Variants in SEMA3E observed in about 807,000 individuals in gnomAD.
SEMA3E encodes the protein semaphorin 3E, also known as semaphorin-3E.
In SEMA3E, 49 loss-of-function variants were observed where a neutral mutation model predicts 93.6. The ratio of observed to expected loss-of-function variants is 0.52; its 90% confidence interval spans 0.42 to 0.66. The LOEUF (loss-of-function observed/expected upper bound fraction) is 0.66, where lower values mean the gene tolerates loss of function less well. Among genes scored for constraint, SEMA3E ranks in the 30% least tolerant of loss-of-function variants. SEMA3E has a pLI of 0.00. For missense variants in SEMA3E, 906 were observed against 964.8 expected, an observed-to-expected ratio of 0.94 and a Z score of 0.81; for synonymous variants, 363 against 330.7, an observed-to-expected ratio of 1.10 and a Z score of -1.06.
intron 1 of SEMA3E, among the ~76,000 whole-genome samples, chr7:83,560,687 TAATA>T (rs1467222092): frequency 1.3e-5 from 2 of 151,990 alleles, no homozygotes; most frequent in African/African-American, 4.8e-5. Flanking sequence ...AATGTTTACT[TAATA>T]TTTATATGAG....
At chr7:83,534,788 C>G (rs1791379845) in intron 1 of SEMA3E, among the ~76,000 whole-genome samples, 1 of 152,150 alleles carries the variant, frequency 6.6e-6, no homozygotes, top group Non-Finnish European at 1.5e-5. Context: ...AGCCTATAAG[C>G]TCTTTATTAT....
intron 1 of SEMA3E, among the ~76,000 whole-genome samples, chr7:83,535,339 T>C (rs1438811315): frequency 3.3e-5 from 5 of 152,076 alleles, no homozygotes; most frequent in African/African-American, 1.2e-4. Context: ...CTTTTGTCAG[T>C]ACATAAAGTA....
intron 1 of SEMA3E, among the ~76,000 whole-genome samples, chr7:83,627,950 G>A (rs1793705515): frequency 2.0e-5 from 3 of 152,192 alleles, no homozygotes; most frequent in South Asian, 4.1e-4. Flanking sequence ...TGCAGTTGCT[G>A]GTAGTGGTTT....
chr7:83,646,700 A>T (rs918724297), intron 1 of SEMA3E, among the ~76,000 whole-genome samples: 3 of 152,136 alleles, frequency 2.0e-5, no homozygotes, highest in Admixed American at 6.6e-5. Context: ...TATAAGTGAC[A>T]TAATAAAGAT....
intron 3 of SEMA3E, 142 bp from the exon 4 acceptor site, chr7:83,466,743 A>G (rs1207038802): frequency 1.0e-6 from 1 of 972,610 alleles, no homozygotes; most frequent in Non-Finnish European, 1.6e-6. Context: ...GGGGTAGAAG[A>G]AAAGAGGACA....
At chr7:83,540,045 G>A (rs542157491) in intron 1 of SEMA3E, among the ~76,000 whole-genome samples, 1 of 151,984 alleles carries the variant, frequency 6.6e-6, no homozygotes, top group Non-Finnish European at 1.5e-5. Flanking sequence ...CACTATGCCT[G>A]GGTAATTTTT....
intron 1 of SEMA3E, among the ~76,000 whole-genome samples, chr7:83,624,363 A>G (rs1417399558): frequency 6.6e-6 from 1 of 151,980 alleles, no homozygotes; most frequent in African/African-American, 2.4e-5. Context: ...CATTCCTATT[A>G]CTCCACATCC....
intron 4 of SEMA3E, among the ~76,000 whole-genome samples, chr7:83,427,627 T>G (rs914684735): frequency 3.3e-5 from 5 of 152,202 alleles, no homozygotes; most frequent in Non-Finnish European, 5.9e-5. Flanking sequence ...AGAAGGAAAC[T>G]TCTCACGTTA....
intron 1 of SEMA3E, among the ~76,000 whole-genome samples, chr7:83,586,019 C>G (rs972739242): frequency 6.6e-6 from 1 of 152,088 alleles, no homozygotes; most frequent in Admixed American, 6.6e-5. Flanking sequence ...AATGGTGTCC[C>G]CTCAAACATA....
intron 1 of SEMA3E, among the ~76,000 whole-genome samples, chr7:83,586,617 G>A (rs973920929): frequency 6.6e-6 from 1 of 151,584 alleles, no homozygotes; most frequent in African/African-American, 2.4e-5. Flanking sequence ...GATTTGGCAC[G>A]CTATTTTAAT....
intron 2 of SEMA3E, among the ~76,000 whole-genome samples, chr7:83,481,745 A>T (rs1790150037): frequency 6.6e-6 from 1 of 152,218 alleles, no homozygotes; most frequent in Non-Finnish European, 1.5e-5. Flanking sequence ...AATAATTTAG[A>T]AAGCAAAGCC....
rs1793275416 is a variant in SEMA3E at position 83,611,964 on chromosome 7, A to G, written c.115+36464T>C. 2.0e-5 allele frequency among the ~76,000 whole-genome samples: 3 copies of G among 152,020 alleles called. No homozygotes were observed. In the South Asian group the frequency reaches 6.2e-4, roughly 31 times the overall value. On this transcript the variant is annotated intron_variant, in intron 1 of 16. Transcript: ENST00000643230. ...GCTCCCCAATTGCCTTGCTGCTTTC[A>G]TCTCCCACTGTCCTCCCTGCTCCCT...
intron 15 of SEMA3E, 64 bp downstream of exon 15, chr7:83,386,919 G>A: frequency 2.9e-6 from 4 of 1,391,030 alleles, no homozygotes; most frequent in Non-Finnish European, 4.1e-6. Context: ...TTTTTAAGAA[G>A]TTTGTAGTTT....
intron 4 of SEMA3E, among the ~76,000 whole-genome samples, chr7:83,432,952 A>C (rs1345992571): frequency 1.3e-5 from 2 of 152,200 alleles, no homozygotes; most frequent in Non-Finnish European, 2.9e-5. Context: ...AATATATTTC[A>C]GCAGGGTTTG....
At chr7:83,374,385 C>T (rs987119586) in intron 16 of SEMA3E, among the ~76,000 whole-genome samples, 1 of 152,044 alleles carries the variant, frequency 6.6e-6, no homozygotes, top group African/African-American at 2.4e-5. Flanking sequence ...CACAGATATC[C>T]TGAGAGCAAG....
intron 4 of SEMA3E, among the ~76,000 whole-genome samples, chr7:83,444,332 G>A (rs1307202549): frequency 2.0e-5 from 3 of 152,152 alleles, no homozygotes; most frequent in African/African-American, 7.2e-5. Flanking sequence ...AGTCATGAAG[G>A]AAGCATAGGA....
chr7:83,617,109 T>G (rs1793386739), intron 1 of SEMA3E, among the ~76,000 whole-genome samples: 1 of 152,166 alleles, frequency 6.6e-6, no homozygotes, highest in Non-Finnish European at 1.5e-5. Context: ...ATTATTGTTT[T>G]AAATAGAAAA....
At chr7:83,505,237 T>C (rs1790671621) in intron 1 of SEMA3E, among the ~76,000 whole-genome samples, 1 of 152,084 alleles carries the variant, frequency 6.6e-6, no homozygotes, top group Admixed American at 6.6e-5. Flanking sequence ...GCCTCAATCA[T>C]CCAAAATTCT....
At chr7:83,404,795 T>C (rs1438544577) in intron 9 of SEMA3E, among the ~76,000 whole-genome samples, 3 of 151,902 alleles carry the variant, frequency 2.0e-5, no homozygotes, top group African/African-American at 7.2e-5. Flanking sequence ...GTGAGAAGAG[T>C]GTTCTATGAT....
Sources: gnomAD v4.1 joint callset for allele counts (sites outside exome capture counted in the v4.1 genomes callset) on GRCh38, gnomAD v4.1.1 for gene constraint, MANE v1.5 for transcripts, NCBI Gene and HGNC (gene_info 2026-07-23, HGNC 2026-07-21) for gene names.